The following PTK2 variants were observed in gnomAD, a reference collection of about 807,000 sequenced individuals.
The protein encoded by PTK2 is focal adhesion kinase 1.
PTK2 carries 45 observed loss-of-function variants against 150.1 expected under a neutral mutation model. The ratio of observed to expected loss-of-function variants is 0.30; its 90% CI spans 0.24 to 0.38. The LOEUF (loss-of-function observed/expected upper bound fraction) is 0.38, where lower values mean the gene tolerates loss of function less well. PTK2 is among the 10% of genes least tolerant of loss of function. The pLI is 1.00. For synonymous variants in PTK2, 432 were observed against 449.2 expected, an observed-to-expected ratio of 0.96 and a Z score of 0.48; for missense variants, 919 against 1,307.3, an observed-to-expected ratio of 0.70 and a Z score of 4.58.
At chr8:140,916,729 T>C (rs2100165413) in intron 2 of PTK2, among the ~76,000 whole-genome samples, 1 of 152,002 alleles carries the variant, frequency 6.6e-6, no homozygotes, top group Non-Finnish European at 1.5e-5. Flanking sequence ...AAAAAGAAAA[T>C]TCCGTTATGA....
intron 14 of PTK2, chr8:140,771,341 A>G (rs957612892): frequency 6.6e-6 from 1 of 152,328 alleles, no homozygotes; most frequent in African/African-American, 2.4e-5. Context: ...CTCTACTAGC[A>G]TTACGGATTC....
At chr8:140,945,340 T>C (rs980909084) in intron 1 of PTK2, among the ~76,000 whole-genome samples, 2 of 152,196 alleles carry the variant, frequency 1.3e-5, no homozygotes, top group Non-Finnish European at 2.9e-5. Flanking sequence ...ATCCCAGCAC[T>C]CTGGGATGCC....
At chr8:140,756,150 CT>C (rs1231800605) in intron 16 of PTK2, among the ~76,000 whole-genome samples, 2 of 151,784 alleles carry the variant, frequency 1.3e-5, no homozygotes, top group African/African-American at 4.8e-5. Context: ...TGGTGAAACC[CT>C]GTCTCTACTA....
At chr8:140,887,660 C>G (rs1208224846) in intron 3 of PTK2, among the ~76,000 whole-genome samples, 1 of 151,732 alleles carries the variant, frequency 6.6e-6, no homozygotes, top group Non-Finnish European at 1.5e-5. Context: ...ATAATGCAAG[C>G]CACATAAGTA....
intron 14 of PTK2, among the ~76,000 whole-genome samples, chr8:140,772,454 T>C (rs529907406): frequency 6.6e-6 from 1 of 152,166 alleles, no homozygotes; most frequent in South Asian, 2.1e-4. Flanking sequence ...CTGGATGCAC[T>C]GTGTGATGCA....
At chr8:140,913,414 G>A (rs1465411481) in intron 2 of PTK2, among the ~76,000 whole-genome samples, 1 of 151,264 alleles carries the variant, frequency 6.6e-6, no homozygotes, top group East Asian at 1.9e-4. Flanking sequence ...TTGTGCCTCA[G>A]CCTCCTGAGT....
At chr8:140,701,998 C>G (rs1198249941) in intron 25 of PTK2, among the ~76,000 whole-genome samples, 1 of 151,340 alleles carries the variant, frequency 6.6e-6, no homozygotes, top group South Asian at 2.1e-4. Flanking sequence ...CGTGGTGGCT[C>G]GCACTTGTAA....
intron 10 of PTK2, among the ~76,000 whole-genome samples, chr8:140,814,141 C>G (rs1649374189): frequency 6.6e-6 from 1 of 152,156 alleles, no homozygotes; most frequent in South Asian, 2.1e-4. Context: ...ATAATGAGCT[C>G]TGAAATTGAA....
intron 1 of PTK2, among the ~76,000 whole-genome samples, chr8:140,963,091 T>C (rs2100183954): frequency 1.3e-5 from 2 of 152,222 alleles, no homozygotes; most frequent in South Asian, 2.1e-4. Context: ...AGACCACTGA[T>C]ACCAACACGC....
chr8:140,825,068 T>C (rs1301433899), intron 8 of PTK2, among the ~76,000 whole-genome samples: 1 of 152,234 alleles, frequency 6.6e-6, no homozygotes, highest in South Asian at 2.1e-4. Context: ...GCAAAGGTTG[T>C]AAGGCAATGC....
At chr8:140,962,253 G>A (rs28658454) in intron 1 of PTK2, among the ~76,000 whole-genome samples, 2 of 132,272 alleles carry the variant, frequency 1.5e-5, no homozygotes, top group African/African-American at 2.6e-5. Context: ...GAAAGGAAGG[G>A]AGGAAGGGAA....
In PTK2 at chr8:140,934,820, A is replaced by G. The variant is rs141431210; in HGVS notation, c.-121-9071T>C. ...AGACTTATTCCTATTTTCTGCATATAAAGTTCACTTCTGAAAACAACTCTC... is the reference window on the plus strand; with the variant it reads ...AGACTTATTCCTATTTTCTGCATATGAAGTTCACTTCTGAAAACAACTCTC... On this transcript the variant is annotated intron_variant, in intron 1 of 31. Transcript: ENST00000522684. Among the ~76,000 whole-genome samples, 410 of 152,348 alleles carry G rather than the reference A, an allele frequency of 2.7e-3. 4 individuals carry two copies. The highest frequency in any genetic ancestry group is 9.8e-3 in the East Asian group (51 of 5,192).
At chr8:140,816,829 ACT>A (rs771892000) in intron 10 of PTK2, among the ~76,000 whole-genome samples, 2 of 152,210 alleles carry the variant, frequency 1.3e-5, no homozygotes, top group Non-Finnish European at 2.9e-5. Context: ...CGAAAATAGT[ACT>A]CTCACACACT....
intron 10 of PTK2, among the ~76,000 whole-genome samples, chr8:140,815,559 T>G (rs1353858772): frequency 6.6e-6 from 1 of 151,832 alleles, no homozygotes; most frequent in Non-Finnish European, 1.5e-5. Context: ...ACCCCTGAGC[T>G]TAAAAAGTTT....
chr8:140,739,222 G>C (rs2100054294), intron 20 of PTK2, 115 bp from the exon 24 acceptor site: 1 of 579,186 alleles, frequency 1.7e-6, no homozygotes, highest in South Asian at 4.3e-5. Flanking sequence ...GAACCCTTGA[G>C]GCTTCCATTT....
intron 7 of PTK2, among the ~76,000 whole-genome samples, chr8:140,845,237 T>C (rs2100124667): frequency 6.6e-6 from 1 of 152,154 alleles, no homozygotes; most frequent in Admixed American, 6.5e-5. Context: ...GAGTCAGCGA[T>C]GATCAAAGGC....
intron 14 of PTK2, among the ~76,000 whole-genome samples, chr8:140,787,119 A>G (rs1189741075): frequency 6.6e-6 from 1 of 152,224 alleles, no homozygotes; most frequent in East Asian, 1.9e-4. Context: ...ATTTAAATCA[A>G]CATGGTAGCA....
At chr8:140,907,646 G>A (rs1427713472) in intron 2 of PTK2, among the ~76,000 whole-genome samples, 1 of 152,078 alleles carries the variant, frequency 6.6e-6, no homozygotes, top group African/African-American at 2.4e-5. Context: ...AACAGCATAT[G>A]CCCACTTTAC....
chr8:140,937,405 A>G (rs1052963050), intron 1 of PTK2, among the ~76,000 whole-genome samples: 21 of 152,136 alleles, frequency 1.4e-4, no homozygotes, highest in African/African-American at 4.6e-4. Flanking sequence ...TAAATATGAG[A>G]GAATGAAAGT....
Sources: gnomAD v4.1 joint callset for allele counts (sites outside exome capture counted in the v4.1 genomes callset) on GRCh38, gnomAD v4.1.1 for gene constraint, MANE v1.5 for transcripts, NCBI Gene and HGNC (gene_info 2026-07-23, HGNC 2026-07-21) for gene names.